Variants in ARHGAP33 observed in about 807,000 individuals in gnomAD.
ARHGAP33 encodes the protein rho GTPase-activating protein 33.
A neutral mutation model predicts 126.2 loss-of-function variants in ARHGAP33; 57 were observed. That is an observed-to-expected ratio of 0.45 (90% confidence interval 0.36 to 0.56). The LOEUF (loss-of-function observed/expected upper bound fraction) is 0.56. Among genes scored for constraint, ARHGAP33 ranks in the 20% least tolerant of loss-of-function variants. The probability of loss-of-function intolerance (pLI) is 0.00; values close to 1 mark genes in which losing one functional copy is unlikely to be tolerated. For missense variants in ARHGAP33, 1,500 were observed against 1,748.3 expected, an observed-to-expected ratio of 0.86 and a Z score of 2.53; for synonymous variants, 711 against 755.0, an observed-to-expected ratio of 0.94 and a Z score of 0.95.
intron 12 of ARHGAP33, 112 bp downstream of exon 12, chr19:35,781,364 T>A: frequency 9.0e-7 from 1 of 1,109,390 alleles, no homozygotes; most frequent in Non-Finnish European, 1.3e-6. Flanking sequence ...AGTGGCAGGA[T>A]CAAGGCTGGG....
chr19:35,784,096 G>GC (rs764349677), intron 15 of ARHGAP33, 76 bp from the exon 16 acceptor site: 587 of 1,301,114 alleles, frequency 4.5e-4, no homozygotes, highest in Non-Finnish European at 6.2e-4. Context: ...GCCTCCCCTG[G>GC]CTCCCCTCAT....
chr19:35,777,552 C>T, intron 1 of ARHGAP33, 93 bp from the exon 2 acceptor site: 1 of 1,054,284 alleles, frequency 9.5e-7, no homozygotes, highest in Non-Finnish European at 1.4e-6. Flanking sequence ...GTGTGGAGCG[C>T]CCGGGGCTCT....
chr19:35,787,085 C>T lies in ARHGAP33; in HGVS notation c.2602+13C>T, dbSNP rs1184716460. The stretch of plus-strand genomic sequence containing the variant: ...CAGGGCCCACTCGGTGAGTCCTCAG[C>T]CTACCCCACCCCTGTCCCCGCCAGC... On this transcript the variant is annotated intron_variant, in intron 20 of 20. Coordinates refer to ENST00000007510, the MANE Select transcript of ARHGAP33 (RefSeq NM_001366178.1). 1 of 1,599,390 alleles carries T rather than the reference C, an allele frequency of 6.3e-7. No individual in the cohort carries two copies. Among genetic ancestry groups the T allele is most frequent in the African/African-American group, 1.3e-5 (1 of 74,448 alleles).
In ARHGAP33 at chr19:35,788,061, G is replaced by A; in HGVS notation, c.3496G>A (p.Glu1166Lys). The change falls in exon 21 of 21, where the codon GAG (glutamate) becomes AAG (lysine). Residue 1166 changes from glutamate to lysine, a missense_variant. Physicochemically the swap from Glu to Lys is moderately conservative, Grantham distance 56 (BLOSUM62 1). Around this residue, in one of 6 missense-constraint regions of ARHGAP33, gnomAD observed 642 missense variants for 634.0 expected, o/e 1.01. Coordinates refer to ENST00000007510, the MANE Select transcript of ARHGAP33 (RefSeq NM_001366178.1). ...QHPARRPTPP[E>K]PLYVNLALGP... ...CCCTGCTCGGCGCCCTACACCGCCTGAGCCCCTCTACGTCAACCTAGCTCT... is the reference window on the plus strand; with the variant it reads ...CCCTGCTCGGCGCCCTACACCGCCTAAGCCCCTCTACGTCAACCTAGCTCT... 1 of 1,608,624 alleles carries A rather than the reference G, an allele frequency of 6.2e-7. No homozygotes were observed. Among genetic ancestry groups the A allele is most frequent in the Non-Finnish European group, 8.5e-7 (1 of 1,178,614 alleles).
Position 35,786,280 on chromosome 19 carries a change from T to C in ARHGAP33, c.1943-133T>C. 1.4e-6 allele frequency: 2 copies of C among 1,432,970 alleles called. No homozygotes were observed. The highest frequency in any genetic ancestry group is 1.8e-6 in the Non-Finnish European group (2 of 1,098,004). 88.8% of individuals were successfully genotyped at this position (1,432,970 alleles called of 1,614,324 possible). A position where few individuals can be genotyped will look rare whatever the true frequency, so the allele number is the denominator to read the frequency against. On this transcript the variant is annotated intron_variant, in intron 19 of 20. Transcript: ENST00000007510. This position sits in a 1 kb window ranked among gnomAD's most constrained non-coding sequence, Gnocchi z 7.0. ...TCCTCTTCATGGTCTCCACTGTCAA[T>C]CTGAACAGCTCTTCCTGGCTTCACA...
intron 6 of ARHGAP33, 72 bp from the exon 7 acceptor site, chr19:35,780,139 C>G: frequency 1.9e-6 from 3 of 1,583,348 alleles, no homozygotes; most frequent in Non-Finnish European, 2.6e-6. Flanking sequence ...TCACCCAGCG[C>G]GGAGGAGCTT....
chr19:35,780,837 G>A, intron 10 of ARHGAP33, 21 bp downstream of exon 10: 1 of 1,613,802 alleles, frequency 6.2e-7, no homozygotes, highest in Non-Finnish European at 8.5e-7. Flanking sequence ...TAGGCGGTCA[G>A]GTCCCAGCCC....
At chr19:35,785,957 G>A in intron 19 of ARHGAP33, 1 of 1,071,996 alleles carries the variant, frequency 9.3e-7, no homozygotes, top group Non-Finnish European at 1.1e-6. Flanking sequence ...GTAAGAAAGG[G>A]ATGCCGCACT....
Position 35,786,794 on chromosome 19 carries a change from C to A in ARHGAP33, c.2324C>A (p.Thr775Asn). 2.0e-6 allele frequency: 3 copies of A among 1,516,114 alleles called. No individual in the cohort carries two copies. The highest frequency in any genetic ancestry group is 2.0e-5 in the Admixed American group (1 of 50,172). 93.9% of individuals were successfully genotyped at this position (1,516,114 alleles called of 1,614,324 possible). Residue 775 changes from threonine to asparagine, a missense_variant, in exon 20 of 21, where the codon ACC becomes AAC. Thr to Asn is a moderately conservative substitution (Grantham distance 65). Around this residue, in one of 6 missense-constraint regions of ARHGAP33, gnomAD observed 73 missense variants for 110.8 expected, o/e 0.66. Coordinates refer to ENST00000007510, the MANE Select transcript of ARHGAP33 (RefSeq NM_001366178.1). The surrounding 1 kb of genome is among the most constrained non-coding windows in gnomAD (Gnocchi z 7.0). ...APASAFPPRV[T>N]PQAISPRGPT... ...GCCTCTGCCTTCCCACCCAGGGTGACCCCCCAGGCCATCTCGCCCCGGGGG... is the reference window on the plus strand; with the variant it reads ...GCCTCTGCCTTCCCACCCAGGGTGAACCCCCAGGCCATCTCGCCCCGGGGG...
chr19:35,778,555 G>C lies in ARHGAP33; in HGVS notation c.362G>C (p.Cys121Ser). The C allele has an allele frequency of 6.2e-7, 1 of 1,614,142 alleles. No individual in the cohort carries two copies. Among genetic ancestry groups the C allele is most frequent in the Non-Finnish European group, 8.5e-7 (1 of 1,180,024 alleles). Reference sequence around the variant, plus strand: ...TGCATATTTGACCGGAGGTTCTCCTGCCTTCCGGAGCTTCCCCCGCCCCCC... The same window carrying C: ...TGCATATTTGACCGGAGGTTCTCCTCCCTTCCGGAGCTTCCCCCGCCCCCC... ...HRCIFDRRFS[C>S]LPELPPPPEG... is the part of the protein sequence containing the mutation. Residue 121 changes from cysteine (C) to serine (S), a missense_variant, in exon 5 of 21, where the codon TGC (cysteine) becomes TCC (serine). Physicochemically the swap from Cys to Ser is moderately radical, Grantham distance 112. Transcript: ENST00000007510.
chr19:35,784,296 T>G lies in ARHGAP33; in HGVS notation c.1546T>G (p.Ser516Ala). The change falls in exon 16 of 21, where the codon TCC becomes GCC. Residue 516 changes from serine to alanine, a missense_variant. This residue lies in a region of ARHGAP33 where 300 missense variants were observed against 291.1 expected (regional missense o/e 1.03). Coordinates refer to ENST00000007510, the MANE Select transcript of ARHGAP33 (RefSeq NM_001366178.1). ...CGTCCTGTTCAGCGACACCTTCACC[T>G]CCGCCGGCCTCGACCCTGCAGGTAT... ...VDVLFSDTFT[S>A]AGLDPAGRCL... 1.3e-6 allele frequency: 2 copies of G among 1,589,736 alleles called. No individual in the cohort carries two copies. The highest frequency in any genetic ancestry group is 1.7e-6 in the Non-Finnish European group (2 of 1,166,518).
In ARHGAP33 at chr19:35,779,154, C is replaced by T. The variant is rs1216817622; in HGVS notation, c.501+30C>T. The T allele has an allele frequency of 1.8e-5, 27 of 1,528,782 alleles. No individual in the cohort carries two copies. The East Asian group carries it at 4.5e-4, about 25-fold the overall frequency. 94.7% of individuals were successfully genotyped at this position (1,528,782 alleles called of 1,614,324 possible). ...GCCTGGGCAGGGGGCTTGGAGATTC[C>T]GAGTGGGTGAGGGGGTGTCTGAGGG... On this transcript the variant is annotated intron_variant, in intron 6 of 20. Coordinates refer to ENST00000007510, the MANE Select transcript of ARHGAP33 (RefSeq NM_001366178.1).
chr19:35,778,280 C>T lies in ARHGAP33; in HGVS notation c.190C>T (p.Leu64Phe). The T allele has an allele frequency of 6.2e-7, 1 of 1,614,176 alleles. No homozygotes were observed. Among genetic ancestry groups the T allele is most frequent in the African/African-American group, 1.3e-5 (1 of 75,058 alleles). The stretch of plus-strand genomic sequence containing the variant: ...CCTGGGCCTTGCTTTCCCTCTGCAG[C>T]TCCTGCTGTCTCCAGACCGTGAAGG... ...YENVDFGHIQ[L>F]LLSPDREGPS... The change falls in exon 4 of 21, where the codon CTC becomes TTC. Residue 64 changes from leucine (L) to phenylalanine (F), a missense_variant and splice_region_variant. This residue lies in a region of ARHGAP33 where 129 missense variants were observed against 145.9 expected (regional missense o/e 0.88). Transcript: ENST00000007510.
At position 35,786,475 on chromosome 19, in the gene ARHGAP33, C is replaced by T. The variant is rs759980118; in HGVS notation, c.2005C>T (p.Pro669Ser). Residue 669 changes from proline (P) to serine (S), a missense_variant, in exon 20 of 21, where the codon CCA (proline) becomes TCA (serine). Pro to Ser is a moderately conservative substitution (Grantham distance 74, BLOSUM62 -1). Coordinates refer to ENST00000007510, the MANE Select transcript of ARHGAP33 (RefSeq NM_001366178.1). The surrounding 1 kb of genome is among the most constrained non-coding windows in gnomAD (Gnocchi z 7.0). The stretch of plus-strand genomic sequence containing the variant: ...CAGCAGCGACGCTTTCCCTGTGGGC[C>T]CAGCACCTGCTGGCTCCTGCGAGAG... Reference protein sequence around the residue: ...HSSSDAFPVGPAPAGSCESLS... With the variant: ...HSSSDAFPVGSAPAGSCESLS... 60 of 1,535,792 alleles carry T rather than the reference C, an allele frequency of 3.9e-5. No individual in the cohort carries two copies. The South Asian group carries it at 6.1e-4, about 16-fold the overall frequency.
Position 35,782,942 on chromosome 19 carries a change from C to A in ARHGAP33, c.1421+73C>A, listed in dbSNP as rs1971879903. ...CACCCCAGGAACCCGCCCAGCTTTT[C>A]TTTTGTTTATTCATCGAATACGTGT... On this transcript the variant is annotated intron_variant, in intron 15 of 20. Coordinates refer to ENST00000007510, the MANE Select transcript of ARHGAP33 (RefSeq NM_001366178.1). The surrounding 1 kb of genome is among the most constrained non-coding windows in gnomAD (Gnocchi z 4.1). 1 of 1,337,406 alleles carries A rather than the reference C, an allele frequency of 7.5e-7. No individual in the cohort carries two copies. The highest frequency in any genetic ancestry group is 2.1e-5 in the Admixed American group (1 of 48,360). 82.8% of individuals were successfully genotyped at this position (1,337,406 alleles called of 1,614,324 possible). A position where few individuals can be genotyped will look rare whatever the true frequency, so the allele number is the denominator to read the frequency against.
chr19:35,782,606 T>G lies in ARHGAP33; in HGVS notation c.1240T>G (p.Ser414Ala), dbSNP rs1341851306. The G allele has an allele frequency of 6.2e-7, 1 of 1,613,886 alleles. No homozygotes were observed. The highest frequency in any genetic ancestry group is 2.2e-5 in the East Asian group (1 of 44,876). Reference sequence around the variant, plus strand: ...CTGCCCACCATCTCAGGAGGCCATGTCAGTGCCTGGGGAGGAGGAGCGTCT... The same window carrying G: ...CTGCCCACCATCTCAGGAGGCCATGGCAGTGCCTGGGGAGGAGGAGCGTCT... ...QLYGKFSEAM[S>A]VPGEEERLVR... The change falls in exon 14 of 21, where the codon TCA becomes GCA. Residue 414 changes from serine (S) to alanine (A), a missense_variant. Ser to Ala is a moderately conservative substitution (Grantham distance 99). This residue lies in a region of ARHGAP33 where 281 missense variants were observed against 413.7 expected (regional missense o/e 0.68). Coordinates refer to ENST00000007510, the MANE Select transcript of ARHGAP33 (RefSeq NM_001366178.1). This position sits in a 1 kb window ranked among gnomAD's most constrained non-coding sequence, Gnocchi z 4.1.
Position 35,786,481 on chromosome 19 carries a change from C to T in ARHGAP33, c.2011C>T (p.Pro671Ser). Residue 671 changes from proline (P) to serine (S), a missense_variant, in exon 20 of 21, where the codon CCT (proline) becomes TCT (serine). Physicochemically the swap from Pro to Ser is moderately conservative, Grantham distance 74. Around this residue, in one of 6 missense-constraint regions of ARHGAP33, gnomAD observed 300 missense variants for 291.1 expected, o/e 1.03. Coordinates refer to ENST00000007510, the MANE Select transcript of ARHGAP33 (RefSeq NM_001366178.1). The surrounding 1 kb of genome is among the most constrained non-coding windows in gnomAD (Gnocchi z 7.0). ...SSDAFPVGPA[P>S]AGSCESLSSS... is the part of the protein sequence containing the mutation. Reference sequence around the variant, plus strand: ...CGACGCTTTCCCTGTGGGCCCAGCACCTGCTGGCTCCTGCGAGAGCCTGTC... The same window carrying T: ...CGACGCTTTCCCTGTGGGCCCAGCATCTGCTGGCTCCTGCGAGAGCCTGTC... 6.5e-7 allele frequency: 1 copy of T among 1,535,954 alleles called. No individual in the cohort carries two copies. Among genetic ancestry groups the T allele is most frequent in the Non-Finnish European group, 8.7e-7 (1 of 1,146,794 alleles).
chr19:35,786,970 C>G lies in ARHGAP33; in HGVS notation c.2500C>G (p.Pro834Ala), dbSNP rs748646415. The G allele has an allele frequency of 4.3e-6, 7 of 1,610,918 alleles. No individual in the cohort carries two copies. The South Asian group carries it at 7.7e-5, about 18-fold the overall frequency. The change falls in exon 20 of 21, where the codon CCC (proline) becomes GCC (alanine). Residue 834 changes from proline to alanine, a missense_variant. By Grantham distance (27) the Pro-to-Ala change is conservative. Coordinates refer to ENST00000007510, the MANE Select transcript of ARHGAP33 (RefSeq NM_001366178.1). The surrounding 1 kb of genome is among the most constrained non-coding windows in gnomAD (Gnocchi z 7.0). ...PALSPGRSLR[P>A]HLIPLLLRGA... ...TCTCAGCCCCGGCCGGAGCCTGCGC[C>G]CCCATCTCATACCCCTGCTGCTGCG...
chr19:35,782,793 C>G lies in ARHGAP33; in HGVS notation c.1345C>G (p.Arg449Gly), dbSNP rs930001532. ...TLEYLLRHLA[R>G]MARHSANTSM... is the part of the protein sequence containing the mutation. Reference sequence around the variant, plus strand: ...GGAGTACCTGCTGAGGCACCTGGCCCGCATGGCGAGACACAGTGCCAACAC... The same window carrying G: ...GGAGTACCTGCTGAGGCACCTGGCCGGCATGGCGAGACACAGTGCCAACAC... Residue 449 changes from arginine to glycine, a missense_variant, in exon 15 of 21, where the codon CGC becomes GGC. Transcript: ENST00000007510. The surrounding 1 kb of genome is among the most constrained non-coding windows in gnomAD (Gnocchi z 4.1). 5 of 1,613,736 alleles carry G rather than the reference C, an allele frequency of 3.1e-6. No homozygotes were observed. Among genetic ancestry groups the G allele is most frequent in the Non-Finnish European group, 4.2e-6 (5 of 1,179,814 alleles).
Sources: gnomAD v4.1 joint callset for allele counts on GRCh38, gnomAD v4.1.1 for gene constraint, gnomAD v4.1.1 regional missense constraint, Gnocchi (gnomAD v3.1) non-coding constraint, MANE v1.5 for transcripts, NCBI Gene and HGNC (gene_info 2026-07-23, HGNC 2026-07-21) for gene names.